Variants in IPO8 observed in about 807,000 individuals in gnomAD.
IPO8 encodes the protein importin-8.
Under a neutral mutation model 141.2 loss-of-function variants are expected in IPO8, and 65 were observed. The ratio of observed to expected loss-of-function variants is 0.46; its 90% CI spans 0.38 to 0.57. The LOEUF (loss-of-function observed/expected upper bound fraction) is 0.57, where lower values mean the gene tolerates loss of function less well. Ranked by LOEUF, IPO8 falls within the 20% of genes least tolerant of loss-of-function variation. IPO8 has a pLI of 0.00. For synonymous variants in IPO8, 411 were observed against 420.3 expected (o/e 0.98, Z 0.27); for missense variants, 980 against 1,246.8 (o/e 0.79, Z 3.22).
At position 30,695,039 on chromosome 12, in the gene IPO8, C is replaced by T. The variant is rs1565513459; in HGVS notation, c.84+525G>A. The T allele has an allele frequency of 2.2e-6, 1 of 456,496 alleles. No homozygotes were observed. The highest frequency in any genetic ancestry group is 1.5e-5 in the South Asian group (1 of 64,568). 28.3% of individuals were successfully genotyped at this position (456,496 alleles called of 1,614,324 possible). On this transcript the variant is annotated intron_variant, in intron 1 of 24. Transcript: ENST00000256079. The surrounding 1 kb of genome is among the most constrained non-coding windows in gnomAD (Gnocchi z 4.2). ...AACTGCCTATTCTTCCCAGAGCACT[C>T]TCCCAACAGCACTGCCCAGCGCTCC...
Position 30,684,336 on chromosome 12 carries a change from A to C in IPO8, c.288T>G (p.Ile96Met), listed in dbSNP as rs773208570. 9 of 1,614,114 alleles carry C rather than the reference A, an allele frequency of 5.6e-6. No individual in the cohort carries two copies. Among genetic ancestry groups the C allele is most frequent in the Non-Finnish European group, 7.6e-6 (9 of 1,180,004 alleles). Residue 96 changes from isoleucine (I) to methionine (M), a missense_variant, in exon 3 of 25, where the codon ATT becomes ATG. Ile to Met is a conservative substitution (Grantham distance 10). Transcript: ENST00000256079. Reference protein sequence around the residue: ...ENDRQQIRDNIVEGIIRSPDL... With the variant: ...ENDRQQIRDNMVEGIIRSPDL... ...CTGGAGACCGAATTATTCCTTCCACAATGTTATCACGTATTTGCTGGCGAT... is the reference window on the plus strand; with the variant it reads ...CTGGAGACCGAATTATTCCTTCCACCATGTTATCACGTATTTGCTGGCGAT...
intron 23 of IPO8, among the ~76,000 whole-genome samples, chr12:30,632,331 T>C (rs2052444720): frequency 6.6e-6 from 1 of 152,186 alleles, no homozygotes; most frequent in Non-Finnish European, 1.5e-5. Context: ...TGTTACCATT[T>C]TCCTCTGGAA....
Position 30,677,948 on chromosome 12 carries a change from A to G in IPO8, c.640-1361T>C, listed in dbSNP as rs1355436283. ...TCAGGAGTTTGAGACCAGCCTGGCC[A>G]AAACAGTGAAACCCCGTCTCTACTA... On this transcript the variant is annotated intron_variant, in intron 5 of 24. Coordinates refer to ENST00000256079, the MANE Select transcript of IPO8 (RefSeq NM_006390.4). Among the ~76,000 whole-genome samples the G allele has an allele frequency of 2.0e-5, 3 of 151,794 alleles. No homozygotes were observed. The East Asian group carries it at 5.8e-4, about 29-fold the overall frequency.
Position 30,684,396 on chromosome 12 carries a change from T to C in IPO8, c.228A>G (p.Gly76=). ...QYWPDREPPP[G]EAIFPFNIHE... ...GAATGTTGAATGGAAATATTGCTTC[T>C]CCTGGTGGAGGTTCTCGATCTGGCC... The change falls in exon 3 of 25, where the codon GGA becomes GGG. Residue 76 remains glycine (G), a synonymous_variant. Transcript: ENST00000256079. 6.2e-7 allele frequency: 1 copy of C among 1,614,180 alleles called. No homozygotes were observed. Among genetic ancestry groups the C allele is most frequent in the Non-Finnish European group, 8.5e-7 (1 of 1,180,004 alleles).
chr12:30,675,427 C>T (rs1284315677), intron 6 of IPO8, among the ~76,000 whole-genome samples: 1 of 151,982 alleles, frequency 6.6e-6, no homozygotes, highest in African/African-American at 2.4e-5. Flanking sequence ...TCTAGTTTAT[C>T]CAAAGAAAAT....
chr12:30,663,437 GA>G (rs1178734586), intron 14 of IPO8, 51 bp downstream of exon 14: 1 of 1,475,882 alleles, frequency 6.8e-7, no homozygotes, highest in Non-Finnish European at 9.3e-7. Flanking sequence ...CATTAGGGAA[GA>G]AAGTAAATGA....
Position 30,670,967 on chromosome 12 carries a change from T to C in IPO8, c.1039A>G (p.Ile347Val), listed in dbSNP as rs758834918. The C allele has an allele frequency of 4.3e-6, 7 of 1,613,004 alleles. No individual in the cohort carries two copies. The highest frequency in any genetic ancestry group is 1.1e-5 in the South Asian group (1 of 90,854). Reference protein sequence around the residue: ...SITWKQMKPHIQNISEDVIFS... With the variant: ...SITWKQMKPHVQNISEDVIFS... ...AGCTGCTCTCTGACACTAACCTGTA[T>C]GTGTGGCTTCATCTGCTTCCAGGTT... Residue 347 changes from isoleucine to valine, a missense_variant, in exon 9 of 25, where the codon ATA becomes GTA. Coordinates refer to ENST00000256079, the MANE Select transcript of IPO8 (RefSeq NM_006390.4).
intron 22 of IPO8, 78 bp from the exon 23 acceptor site, chr12:30,634,364 A>G: frequency 8.7e-7 from 1 of 1,143,874 alleles, no homozygotes; most frequent in Non-Finnish European, 1.3e-6. Flanking sequence ...AAAACCAAAG[A>G]CTATAAAACT....
chr12:30,693,229 G>T (rs1045835726), intron 1 of IPO8, among the ~76,000 whole-genome samples: 1 of 152,244 alleles, frequency 6.6e-6, no homozygotes, highest in African/African-American at 2.4e-5. Context: ...GGGACTTCTG[G>T]TCTATAGAAA....
intron 2 of IPO8, among the ~76,000 whole-genome samples, chr12:30,689,234 T>A (rs2053269602): frequency 2.0e-5 from 3 of 152,164 alleles, no homozygotes; most frequent in Admixed American, 6.5e-5. Context: ...TGTTTCCATG[T>A]CATTAAAGGA....
At chr12:30,674,861 A>G (rs2053098687) in intron 6 of IPO8, 108 bp from the exon 7 acceptor site, 1 of 767,940 alleles carries the variant, frequency 1.3e-6, no homozygotes, top group Non-Finnish European at 2.3e-6. Context: ...TTAAATGTGA[A>G]GTTAGATTGC....
At chr12:30,686,854 T>G (rs1279839604) in intron 2 of IPO8, among the ~76,000 whole-genome samples, 1 of 152,038 alleles carries the variant, frequency 6.6e-6, no homozygotes, top group East Asian at 1.9e-4. Context: ...ATTTAAAAAT[T>G]ATGGTGCATC....
At chr12:30,644,310 A>G (rs7310816) in intron 20 of IPO8, among the ~76,000 whole-genome samples, 84,260 of 151,092 alleles carry the variant, frequency 0.56, 24,414 homozygotes, top group African/African-American at 0.71. Flanking sequence ...ATTTGAGGTT[A>G]CCATGAGATA....
intron 13 of IPO8, among the ~76,000 whole-genome samples, chr12:30,664,012 G>A (rs1170453909): frequency 6.6e-6 from 1 of 152,010 alleles, no homozygotes; most frequent in Non-Finnish European, 1.5e-5. Context: ...GTCACACTTA[G>A]GTAAAACATT....
At position 30,639,495 on chromosome 12, in the gene IPO8, A is replaced by G. The variant is rs1051547042; in HGVS notation, c.2489+20T>C. 5 of 1,538,744 alleles carry G rather than the reference A, an allele frequency of 3.2e-6. No homozygotes were observed. In the South Asian group the frequency reaches 5.6e-5, roughly 17 times the overall value. On this transcript the variant is annotated intron_variant, in intron 21 of 24. Coordinates refer to ENST00000256079, the MANE Select transcript of IPO8 (RefSeq NM_006390.4). ...CTTTCCAGAAACAGAAAAGCAGTGT[A>G]AAATCCAAAAGACACATACCCAAGA...
intron 5 of IPO8, among the ~76,000 whole-genome samples, chr12:30,678,725 T>C (rs1347212444): frequency 6.6e-6 from 1 of 152,184 alleles, no homozygotes; most frequent in Non-Finnish European, 1.5e-5. Context: ...GGAAGCCATT[T>C]GGATTTGATA....
At chr12:30,678,026 G>T (rs2053144583) in intron 5 of IPO8, among the ~76,000 whole-genome samples, 1 of 151,490 alleles carries the variant, frequency 6.6e-6, no homozygotes, top group Non-Finnish European at 1.5e-5. Context: ...AATCGAGGCT[G>T]AGGCAGGAGA....
intron 23 of IPO8, 93 bp from the exon 24 acceptor site, chr12:30,632,104 C>T: frequency 1.3e-6 from 1 of 793,302 alleles, no homozygotes; most frequent in Non-Finnish European, 2.1e-6. Context: ...AGAAATTATC[C>T]CAGACAGTAA....
chr12:30,640,500 T>G (rs959966654), intron 20 of IPO8, among the ~76,000 whole-genome samples: 2 of 152,174 alleles, frequency 1.3e-5, no homozygotes, highest in African/African-American at 4.8e-5. Flanking sequence ...GATAACATAT[T>G]AAATCAAAAT....
Sources: gnomAD v4.1 joint callset for allele counts (sites outside exome capture counted in the v4.1 genomes callset) on GRCh38, gnomAD v4.1.1 for gene constraint, Gnocchi (gnomAD v3.1) non-coding constraint, MANE v1.5 for transcripts, NCBI Gene and HGNC (gene_info 2026-07-23, HGNC 2026-07-21) for gene names.